Variants in TAFA4 observed in about 807,000 individuals in gnomAD.
TAFA4 encodes TAFA chemokine like family member 4, also known as chemokine-like protein TAFA-4.
A neutral mutation model predicts 21.1 loss-of-function variants in TAFA4; 20 were observed. The ratio of observed to expected loss-of-function variants is 0.95; its 90% CI spans 0.67 to 1.38. TAFA4 has a LOEUF of 1.38. TAFA4 is among the 40% of genes most tolerant of loss of function. The pLI is 0.00. For synonymous variants in TAFA4, 71 were observed against 67.4 expected (o/e 1.05, Z -0.26); for missense variants, 211 against 180.9 (o/e 1.17, Z -0.95).
intron 4 of TAFA4, among the ~76,000 whole-genome samples, chr3:68,747,538 C>T (rs1276824339): frequency 6.6e-6 from 1 of 152,296 alleles, no homozygotes; most frequent in Middle Eastern, 3.4e-3. Flanking sequence ...ATGGTGAGGC[C>T]TCCCCAGCCA....
intron 4 of TAFA4, among the ~76,000 whole-genome samples, chr3:68,741,478 G>A (rs1479285474): frequency 1.3e-5 from 2 of 152,098 alleles, no homozygotes; most frequent in Non-Finnish European, 2.9e-5. Flanking sequence ...CAGCTTTACT[G>A]AATTTATTAG....
intron 3 of TAFA4, among the ~76,000 whole-genome samples, chr3:68,861,537 C>T (rs2106923551): frequency 6.6e-6 from 1 of 152,060 alleles, no homozygotes; most frequent in East Asian, 1.9e-4. Flanking sequence ...TTATTTTCTT[C>T]ACATAATATT....
chr3:68,885,428 A>T, intron 1 of TAFA4, 118 bp from the exon 2 acceptor site: 1 of 532,780 alleles, frequency 1.9e-6, no homozygotes, highest in Admixed American at 3.6e-5. Context: ...GTTTCAGGCA[A>T]GTGGCAGACA....
chr3:68,842,577 G>C (rs1704689986), intron 3 of TAFA4, among the ~76,000 whole-genome samples: 1 of 152,118 alleles, frequency 6.6e-6, no homozygotes, highest in South Asian at 2.1e-4. Flanking sequence ...TTTGGCTTTT[G>C]TTGCCATTGC....
chr3:68,767,807 TCA>T (rs1702884998), intron 3 of TAFA4, among the ~76,000 whole-genome samples: 2 of 152,124 alleles, frequency 1.3e-5, no homozygotes, highest in South Asian at 4.1e-4. Context: ...TTTCCACATA[TCA>T]CACATACATA....
intron 1 of TAFA4, among the ~76,000 whole-genome samples, chr3:68,922,819 G>T (rs1441281840): frequency 1.3e-5 from 2 of 151,910 alleles, no homozygotes; most frequent in Admixed American, 6.6e-5. Flanking sequence ...AGTATATTTT[G>T]TACATGTGTA....
intron 1 of TAFA4, among the ~76,000 whole-genome samples, chr3:68,929,124 G>T (rs2090136769): frequency 6.6e-6 from 1 of 152,102 alleles, no homozygotes; most frequent in Non-Finnish European, 1.5e-5. Flanking sequence ...CTTTTGAGAG[G>T]TGGGTTACAG....
At chr3:68,826,762 A>C (rs1240986560) in intron 3 of TAFA4, among the ~76,000 whole-genome samples, 3 of 152,130 alleles carry the variant, frequency 2.0e-5, no homozygotes, top group Non-Finnish European at 4.4e-5. Context: ...CTCAAGAATG[A>C]GGAGAACCCA....
At chr3:68,753,625 C>G (rs538448408) in intron 3 of TAFA4, among the ~76,000 whole-genome samples, 1 of 152,100 alleles carries the variant, frequency 6.6e-6, no homozygotes, top group African/African-American at 2.4e-5. Flanking sequence ...TGTGAGCCAC[C>G]GTCACTGGCC....
intron 1 of TAFA4, among the ~76,000 whole-genome samples, chr3:68,899,739 G>A (rs1439255459): frequency 1.3e-5 from 2 of 152,032 alleles, no homozygotes; most frequent in Non-Finnish European, 1.5e-5. Flanking sequence ...ACACACTTTA[G>A]GAGACTTCCA....
rs113896266 is a variant in TAFA4 at position 68,884,955 on chromosome 3, T to C, written c.14+220A>G. ...GCAATAGATTTGTATTTCTTCATTTTTTCCTCTACTGAATAAACCAAAGTA... is the reference window on the plus strand; with the variant it reads ...GCAATAGATTTGTATTTCTTCATTTCTTCCTCTACTGAATAAACCAAAGTA... On this transcript the variant is annotated intron_variant, in intron 2 of 5. Coordinates refer to ENST00000295569, the MANE Select transcript of TAFA4 (RefSeq NM_182522.5). Among the ~76,000 whole-genome samples, 69 of 152,364 alleles carry C rather than the reference T, an allele frequency of 4.5e-4. 1 individual carries two copies. Among genetic ancestry groups the C allele is most frequent in the African/African-American group, 1.6e-3 (67 of 41,590 alleles).
intron 1 of TAFA4, among the ~76,000 whole-genome samples, chr3:68,930,488 G>C (rs1360841441): frequency 6.6e-6 from 1 of 152,226 alleles, no homozygotes; most frequent in East Asian, 1.9e-4. Context: ...GGGCAGTTAA[G>C]ATGGTACTGA....
At chr3:68,904,773 T>C (rs1293885279) in intron 1 of TAFA4, among the ~76,000 whole-genome samples, 2 of 152,182 alleles carry the variant, frequency 1.3e-5, no homozygotes, top group African/African-American at 2.4e-5. Context: ...AACTCCTCAC[T>C]TCTGCTGACT....
chr3:68,763,894 A>ACACACACACACACACAC (rs1559513327), intron 3 of TAFA4, among the ~76,000 whole-genome samples: 2 of 151,982 alleles, frequency 1.3e-5, no homozygotes, highest in Admixed American at 6.6e-5. Flanking sequence ...ACACACACAC[A>ACACACACACACACACAC]TAAGTATGCA....
At chr3:68,766,604 A>C (rs990519674) in intron 3 of TAFA4, among the ~76,000 whole-genome samples, 20 of 152,176 alleles carry the variant, frequency 1.3e-4, no homozygotes, top group Non-Finnish European at 2.5e-4. Flanking sequence ...GAAAATTATG[A>C]AAGCAAACAG....
At chr3:68,895,794 A>G (rs1243470081) in intron 1 of TAFA4, among the ~76,000 whole-genome samples, 11 of 152,200 alleles carry the variant, frequency 7.2e-5, no homozygotes, top group Non-Finnish European at 1.6e-4. Context: ...CTTGCATTAT[A>G]GCATGTGGAG....
intron 3 of TAFA4, among the ~76,000 whole-genome samples, chr3:68,832,753 T>C (rs1189179363): frequency 6.6e-6 from 1 of 152,252 alleles, no homozygotes; most frequent in Non-Finnish European, 1.5e-5. Context: ...CTGCGGAAGC[T>C]GTCTGCTGCC....
At chr3:68,844,748 T>C (rs1220973801) in intron 3 of TAFA4, among the ~76,000 whole-genome samples, 3 of 152,206 alleles carry the variant, frequency 2.0e-5, no homozygotes, top group African/African-American at 7.2e-5. Context: ...AAAGAACTTG[T>C]TTATTTCTGC....
chr3:68,876,821 A>G (rs1565387), intron 3 of TAFA4, among the ~76,000 whole-genome samples: 23,227 of 152,174 alleles, frequency 0.15, 2,960 homozygotes, highest in African/African-American at 0.35. Context: ...AAAGAAGAAG[A>G]CAGCTCTAAA....
Sources: gnomAD v4.1 joint callset for allele counts (sites outside exome capture counted in the v4.1 genomes callset) on GRCh38, gnomAD v4.1.1 for gene constraint, MANE v1.5 for transcripts, NCBI Gene and HGNC (gene_info 2026-07-23, HGNC 2026-07-21) for gene names.